HSD17B12: variants seen among roughly 807,000 people sequenced by gnomAD.
The protein encoded by HSD17B12 is hydroxysteroid 17-beta dehydrogenase 12.
HSD17B12 carries 32 observed loss-of-function variants against 39.3 expected under a neutral mutation model. The ratio of observed to expected loss-of-function variants is 0.81; its 90% confidence interval spans 0.61 to 1.09. The LOEUF (loss-of-function observed/expected upper bound fraction) is 1.09. Among genes scored for constraint, HSD17B12 ranks in the 50% least tolerant of loss-of-function variants. The pLI is 0.00. For missense variants in HSD17B12, 342 were observed against 382.9 expected, an observed-to-expected ratio of 0.89 and a Z score of 0.89; for synonymous variants, 150 against 146.7, an observed-to-expected ratio of 1.02 and a Z score of -0.16.
intron 3 of HSD17B12, among the ~76,000 whole-genome samples, chr11:43,785,092 CA>C (rs1355300053): frequency 2.1e-5 from 2 of 96,078 alleles, no homozygotes; most frequent in Non-Finnish European, 4.9e-5. Context: ...GCTAAGTAAA[CA>C]GGGTTTTTTT....
At chr11:43,798,234 AG>A in intron 3 of HSD17B12, 85 bp from the exon 4 acceptor site, 1 of 752,242 alleles carries the variant, frequency 1.3e-6, no homozygotes, top group East Asian at 2.6e-5. Flanking sequence ...AACGTCTGAA[AG>A]GATAATGCTA....
intron 3 of HSD17B12, among the ~76,000 whole-genome samples, chr11:43,783,353 C>T (rs1950784725): frequency 6.6e-6 from 1 of 150,868 alleles, no homozygotes; most frequent in African/African-American, 2.4e-5. Context: ...TTTTTAGTCT[C>T]AGAGCCCTTT....
the HSD17B12 span, among the ~76,000 whole-genome samples, chr11:43,571,716 A>AG: frequency 6.6e-6 from 1 of 152,130 alleles, no homozygotes. Context: ...CCAAAAAAAA[A>AG]GGGGGAAGGG....
the HSD17B12 span, among the ~76,000 whole-genome samples, chr11:43,620,638 T>C: frequency 6.6e-6 from 1 of 152,192 alleles, no homozygotes; most frequent in African/African-American, 2.4e-5. Flanking sequence ...AACATAGGAT[T>C]TCCTGAATAC....
the HSD17B12 span, among the ~76,000 whole-genome samples, chr11:43,604,529 G>A: frequency 1.3e-5 from 2 of 152,096 alleles, no homozygotes; most frequent in Non-Finnish European, 2.9e-5. Flanking sequence ...TGATTTGAAG[G>A]CAGCTACTGT....
At chr11:43,575,985 T>C in the HSD17B12 span, among the ~76,000 whole-genome samples, 30 of 152,120 alleles carry the variant, frequency 2.0e-4, no homozygotes, top group Non-Finnish European at 3.8e-4. The surrounding 1 kb of genome is among the most constrained non-coding windows in gnomAD (Gnocchi z 4.1). Flanking sequence ...CATCTGGGAA[T>C]CTCCATCGTG....
chr11:43,605,561 CAAAA>C, the HSD17B12 span, among the ~76,000 whole-genome samples: 1 of 74,616 alleles, frequency 1.3e-5, no homozygotes, highest in African/African-American at 5.2e-5. Context: ...AACTCCATCT[CAAAA>C]AAAAAAAAAA....
chr11:43,734,404 T>A, intron 1 of HSD17B12: 1 of 793,228 alleles, frequency 1.3e-6, no homozygotes, highest in Non-Finnish European at 2.3e-6. Flanking sequence ...AGGGTGACTC[T>A]AAGGCAGCCG....
the HSD17B12 span, among the ~76,000 whole-genome samples, chr11:43,592,850 G>A: frequency 6.6e-6 from 1 of 151,980 alleles, no homozygotes; most frequent in African/African-American, 2.4e-5. Flanking sequence ...AGGGGGTCAG[G>A]ATCCTTTTTT....
chr11:43,766,487 T>C (rs750245505), intron 3 of HSD17B12, among the ~76,000 whole-genome samples: 2 of 152,230 alleles, frequency 1.3e-5, no homozygotes, highest in Non-Finnish European at 2.9e-5. Flanking sequence ...GGCCAAGGAA[T>C]AAATCTAGTC....
chr11:43,842,357 T>TC (rs1951435000), intron 9 of HSD17B12, among the ~76,000 whole-genome samples: 1 of 152,164 alleles, frequency 6.6e-6, no homozygotes, highest in Non-Finnish European at 1.5e-5. Context: ...TCCAGGATCA[T>TC]CTAAGAGCCT....
At chr11:43,763,750 A>G (rs1950573777) in intron 3 of HSD17B12, among the ~76,000 whole-genome samples, 1 of 151,828 alleles carries the variant, frequency 6.6e-6, no homozygotes, top group Admixed American at 6.6e-5. Context: ...CACATACCAC[A>G]TTGAGTTCTC....
intron 1 of HSD17B12, among the ~76,000 whole-genome samples, chr11:43,722,789 C>T (rs1950187185): frequency 6.6e-6 from 1 of 151,686 alleles, no homozygotes. Context: ...GCAGAGGTTG[C>T]AGTGAGCCGA....
chr11:43,721,011 T>C (rs921485961), intron 1 of HSD17B12, among the ~76,000 whole-genome samples: 1 of 152,088 alleles, frequency 6.6e-6, no homozygotes, highest in Non-Finnish European at 1.5e-5. Flanking sequence ...ACCTCTTGGC[T>C]CCTATAGGTA....
intron 1 of HSD17B12, among the ~76,000 whole-genome samples, chr11:43,685,658 A>G (rs1271449403): frequency 2.0e-5 from 3 of 152,196 alleles, no homozygotes; most frequent in Non-Finnish European, 4.4e-5. Flanking sequence ...CATAGCTATT[A>G]AATTGCAGAG....
intron 9 of HSD17B12, among the ~76,000 whole-genome samples, chr11:43,847,326 C>T (rs1382927489): frequency 6.6e-6 from 1 of 152,126 alleles, no homozygotes; most frequent in African/African-American, 2.4e-5. Context: ...CTTTCAGCTG[C>T]CCTGAAAATG....
the HSD17B12 span, among the ~76,000 whole-genome samples, chr11:43,586,085 C>T: frequency 2.0e-5 from 3 of 152,116 alleles, no homozygotes; most frequent in Non-Finnish European, 4.4e-5. Context: ...AAGTTGTTTA[C>T]TGTGTTCTCT....
chr11:43,609,094 G>A, the HSD17B12 span, among the ~76,000 whole-genome samples: 1 of 151,238 alleles, frequency 6.6e-6, no homozygotes, highest in Non-Finnish European at 1.5e-5. Context: ...ATGCCCAGTT[G>A]ATTTTTTTTT....
chr11:43,717,314 A>G (rs1318248479), intron 1 of HSD17B12, among the ~76,000 whole-genome samples: 2 of 152,202 alleles, frequency 1.3e-5, no homozygotes, highest in East Asian at 1.9e-4. Flanking sequence ...ATATAAAGGA[A>G]TGAATCCTAG....
Sources: allele counts gnomAD v4.1 joint callset (sites outside exome capture counted in the v4.1 genomes callset), GRCh38; gene constraint gnomAD v4.1.1; non-coding constraint Gnocchi (gnomAD v3.1); transcripts MANE v1.5; gene names NCBI Gene and HGNC (gene_info 2026-07-23, HGNC 2026-07-21).